FAAH2: variants seen among roughly 807,000 people sequenced by gnomAD.
The protein encoded by FAAH2 is fatty-acid amide hydrolase 2.
In FAAH2, 60 loss-of-function variants were observed where a neutral mutation model predicts 36.9. The observed-to-expected ratio is 1.63, with a 90% CI of 1.32 to 2.02. The LOEUF is 2.02. FAAH2 is among the 30% of genes most tolerant of loss of function. FAAH2 has a pLI of 0.00. For synonymous variants in FAAH2, 214 were observed against 143.8 expected, an observed-to-expected ratio of 1.49 and a Z score of -3.49; for missense variants, 689 against 397.5, an observed-to-expected ratio of 1.73 and a Z score of -6.23.
intron 10 of FAAH2, among the ~76,000 whole-genome samples, chrX:57,478,704 ATGGC>A (rs1437844492): frequency 2.7e-5 from 3 of 111,684 alleles, no homozygotes; most frequent in African/African-American, 9.8e-5. Flanking sequence ...TTTTCTACAT[ATGGC>A]TAGCCAGTTT....
At chrX:57,447,932 C>T (rs1018528711) in intron 9 of FAAH2, among the ~76,000 whole-genome samples, 1 of 112,219 alleles carries the variant, frequency 8.9e-6, no homozygotes, top group Non-Finnish European at 1.9e-5. Flanking sequence ...TGAATTTCTC[C>T]TTAGAAAATG....
intron 8 of FAAH2, among the ~76,000 whole-genome samples, chrX:57,438,994 T>C (rs2056482397): frequency 9.0e-6 from 1 of 110,982 alleles, no homozygotes; most frequent in Non-Finnish European, 1.9e-5. Context: ...CTTAATCCAG[T>C]CTATCGTTGT....
At chrX:57,460,655 T>C (rs2056942177) in intron 10 of FAAH2, among the ~76,000 whole-genome samples, 1 of 111,625 alleles carries the variant, frequency 9.0e-6, no homozygotes, top group Middle Eastern at 4.6e-3. Context: ...AAGAAATCAC[T>C]AAATATGGAA....
rs1491581848 is a variant in FAAH2, at chrX:57,334,269, C to CACACACACACACACACAT, written c.622+2479_622+2480insTACACACACACACACACA. Among the ~76,000 whole-genome samples, 17 of 4,373 alleles carry CACACACACACACACACAT rather than the reference C, an allele frequency of 3.9e-3. 1 individual carries two copies. In the Non-Finnish European group the frequency reaches 0.041, roughly 10 times the overall value. 3.8% of individuals were successfully genotyped at this position (4,373 alleles called of 115,157 possible). On this transcript the variant is annotated intron_variant, in intron 4 of 10. Coordinates refer to ENST00000374900, the MANE Select transcript of FAAH2 (RefSeq NM_174912.4). ...TAGGTGACAGAGGGAGATTCCGTCT[C>CACACACACACACACACAT]ACACACACACACACACACACACACA... is the stretch of plus-strand genomic sequence containing the variant.
chrX:57,439,521 G>A (rs1041150962), intron 8 of FAAH2, among the ~76,000 whole-genome samples: 2 of 111,352 alleles, frequency 1.8e-5, no homozygotes, highest in African/African-American at 6.5e-5. Flanking sequence ...CAGATGAGTA[G>A]GTTGCAAATT....
At chrX:57,200,026 T>C in the FAAH2 span, among the ~76,000 whole-genome samples, 14 of 111,860 alleles carry the variant, frequency 1.3e-4, no homozygotes, top group African/African-American at 4.5e-4. Flanking sequence ...TTAAGTTCTG[T>C]TTTGTTATCC....
At chrX:57,175,343 ATTG>A in the FAAH2 span, among the ~76,000 whole-genome samples, 3 of 111,410 alleles carry the variant, frequency 2.7e-5, no homozygotes, top group Admixed American at 9.5e-5. Flanking sequence ...GTCTTTTACT[ATTG>A]TTGTTCTAAA....
intron 10 of FAAH2, among the ~76,000 whole-genome samples, chrX:57,470,855 T>G (rs2057151667): frequency 1.8e-5 from 2 of 111,611 alleles, no homozygotes; most frequent in South Asian, 7.4e-4. Context: ...AATAAAATAC[T>G]GGCAAACCGA....
chrX:57,164,769 G>A, the FAAH2 span, among the ~76,000 whole-genome samples: 1 of 112,543 alleles, frequency 8.9e-6, no homozygotes, highest in Non-Finnish European at 1.9e-5. Context: ...CACACATTTT[G>A]TAAAAATAAT....
chrX:57,226,268 A>T, the FAAH2 span, among the ~76,000 whole-genome samples: 1 of 111,528 alleles, frequency 9.0e-6, no homozygotes, highest in African/African-American at 3.3e-5. Flanking sequence ...CTTTAAAGAG[A>T]TTCTGTTTTG....
chrX:57,172,630 G>T, the FAAH2 span, among the ~76,000 whole-genome samples: 1 of 112,208 alleles, frequency 8.9e-6, no homozygotes, highest in East Asian at 2.8e-4. Context: ...TGGGCTTGGA[G>T]AATTAATACA....
At chrX:57,469,935 A>T (rs888089760) in intron 10 of FAAH2, among the ~76,000 whole-genome samples, 1 of 112,020 alleles carries the variant, frequency 8.9e-6, no homozygotes, top group Non-Finnish European at 1.9e-5. Flanking sequence ...AGAACTCAGG[A>T]TTAATAAACT....
intron 1 of FAAH2, among the ~76,000 whole-genome samples, chrX:57,289,910 C>A (rs1472487830): frequency 9.1e-6 from 1 of 110,375 alleles, no homozygotes; most frequent in Admixed American, 9.7e-5. Flanking sequence ...TTCATTTGTA[C>A]TTTTCTGTAG....
upstream of FAAH2, among the ~76,000 whole-genome samples, chrX:57,285,750 G>A (rs377255327): frequency 8.9e-6 from 1 of 112,271 alleles, no homozygotes; most frequent in East Asian, 2.8e-4. Flanking sequence ...CACCAGTCAT[G>A]AGAGTCGAAT....
the FAAH2 span, among the ~76,000 whole-genome samples, chrX:57,144,115 C>T: frequency 8.9e-6 from 1 of 112,037 alleles, no homozygotes; most frequent in Non-Finnish European, 1.9e-5. Flanking sequence ...TTTCCTTCTG[C>T]ACTTTCAATA....
chrX:57,289,053 G>C (rs1296238658), intron 1 of FAAH2, among the ~76,000 whole-genome samples: 1 of 111,796 alleles, frequency 8.9e-6, no homozygotes, highest in Non-Finnish European at 1.9e-5. Context: ...ACTTGATAAG[G>C]CAAACATTTT....
intron 5 of FAAH2, among the ~76,000 whole-genome samples, chrX:57,348,571 ACCGCTGAAG>A (rs1439521216): frequency 9.0e-6 from 1 of 111,147 alleles, no homozygotes; most frequent in Non-Finnish European, 1.9e-5. Flanking sequence ...TACCACTGTG[ACCGCTGAAG>A]CCTGAAGACA....
chrX:57,401,769 G>A (rs1204358020), intron 7 of FAAH2, among the ~76,000 whole-genome samples: 1 of 111,225 alleles, frequency 9.0e-6, no homozygotes, highest in Non-Finnish European at 1.9e-5. Context: ...TGTTGCCCAG[G>A]CTTCAGGATT....
chrX:57,134,787 G>A, the FAAH2 span: 1 of 111,914 alleles, frequency 8.9e-6, no homozygotes, highest in African/African-American at 3.3e-5. Flanking sequence ...CCCAGCACAT[G>A]TGGGGCACCA....
Sources: gnomAD v4.1 joint callset for allele counts (sites outside exome capture counted in the v4.1 genomes callset) on GRCh38, gnomAD v4.1.1 for gene constraint, MANE v1.5 for transcripts, NCBI Gene and HGNC (gene_info 2026-07-23, HGNC 2026-07-21) for gene names.